CCNY: variants seen among roughly 807,000 people sequenced by gnomAD.
CCNY encodes cyclin-Y.
A neutral mutation model predicts 42.8 loss-of-function variants in CCNY; 19 were observed. The ratio of observed to expected loss-of-function variants is 0.44; its 90% CI spans 0.31 to 0.65. The LOEUF (loss-of-function observed/expected upper bound fraction) is 0.65, where lower values mean the gene tolerates loss of function less well. Among genes scored for constraint, CCNY ranks in the 30% least tolerant of loss-of-function variants. The pLI is 0.07. For synonymous variants in CCNY, 165 were observed against 162.7 expected (o/e 1.01, Z -0.11); for missense variants, 370 against 437.3 (o/e 0.85, Z 1.37).
intron 1 of CCNY, among the ~76,000 whole-genome samples, chr10:35,361,874 C>T (rs1003723366): frequency 6.6e-6 from 1 of 152,136 alleles, no homozygotes. Flanking sequence ...AAAATGTTTG[C>T]CCCCTCAACA....
chr10:35,317,526 G>C (rs959699859), intron 3 of CCNY, among the ~76,000 whole-genome samples: 10 of 152,204 alleles, frequency 6.6e-5, no homozygotes, highest in Non-Finnish European at 1.3e-4. Context: ...TGCCAGGTTT[G>C]AGTTAGGACC....
intron 1 of CCNY, among the ~76,000 whole-genome samples, chr10:35,465,919 G>GAT (rs1296424059): frequency 2.3e-5 from 3 of 132,520 alleles, no homozygotes; most frequent in African/African-American, 9.0e-5. Context: ...GAGAGAGAGA[G>GAT]AGAGAGAGAG....
intron 3 of CCNY, among the ~76,000 whole-genome samples, chr10:35,260,496 A>C (rs1007077376): frequency 1.3e-5 from 2 of 152,248 alleles, no homozygotes; most frequent in Non-Finnish European, 2.9e-5. Context: ...AAGTTGAGAA[A>C]GCATCCAGTT....
At chr10:35,431,445 TCTCTCTCTCTCTCA>T in intron 1 of CCNY, among the ~76,000 whole-genome samples, 1 of 113,866 alleles carries the variant, frequency 8.8e-6, no homozygotes, top group Non-Finnish European at 1.8e-5. Flanking sequence ...TCTCTCTCTC[TCTCTCTCTCTCTCA>T]CACTCACTCA....
chr10:35,343,382 CTTTTTTT>C (rs9299720), intron 1 of CCNY, among the ~76,000 whole-genome samples: 51 of 85,900 alleles, frequency 5.9e-4, no homozygotes, highest in Non-Finnish European at 4.4e-4. Flanking sequence ...AGCTGATGGT[CTTTTTTT>C]TTTTTTTTTT....
chr10:35,444,283 C>T (rs1454570312), intron 1 of CCNY, among the ~76,000 whole-genome samples: 3 of 147,260 alleles, frequency 2.0e-5, no homozygotes, highest in Non-Finnish European at 3.0e-5. Context: ...GAGTCTTGCT[C>T]TGCCATCCAG....
chr10:35,253,956 A>G (rs1272609530), intron 3 of CCNY, among the ~76,000 whole-genome samples: 6 of 148,242 alleles, frequency 4.0e-5, no homozygotes, highest in African/African-American at 1.5e-4. Flanking sequence ...GCTCACTGCA[A>G]CCTCTGCCTC....
chr10:35,562,414 C>G (rs1218355611), intron 8 of CCNY, among the ~76,000 whole-genome samples: 1 of 152,234 alleles, frequency 6.6e-6, no homozygotes, highest in Non-Finnish European at 1.5e-5. Flanking sequence ...CCATCCATCT[C>G]TAGAACCCTT....
chr10:35,558,946 T>C (rs1841412025), intron 8 of CCNY, among the ~76,000 whole-genome samples: 1 of 152,104 alleles, frequency 6.6e-6, no homozygotes, highest in African/African-American at 2.4e-5. Context: ...TACCTAAAAA[T>C]GTGGAAGTGG....
intron 3 of CCNY, among the ~76,000 whole-genome samples, chr10:35,507,985 G>T (rs1840249187): frequency 1.3e-5 from 2 of 152,080 alleles, no homozygotes; most frequent in South Asian, 4.1e-4. Flanking sequence ...GCAAGGTGCT[G>T]CCTGGATCCT....
chr10:35,534,086 A>G (rs574659914), intron 7 of CCNY, among the ~76,000 whole-genome samples: 2 of 151,854 alleles, frequency 1.3e-5, no homozygotes, highest in South Asian at 2.1e-4. Flanking sequence ...CAGTGGCACA[A>G]TCTCAGCTCA....
At chr10:35,406,527 A>G (rs1390200174) in intron 1 of CCNY, among the ~76,000 whole-genome samples, 1 of 152,146 alleles carries the variant, frequency 6.6e-6, no homozygotes, top group African/African-American at 2.4e-5. Context: ...CACATGTTTC[A>G]GAGAGCACAG....
intron 1 of CCNY, among the ~76,000 whole-genome samples, chr10:35,471,744 CTG>C (rs1456584356): frequency 6.6e-6 from 1 of 152,172 alleles, no homozygotes; most frequent in Non-Finnish European, 1.5e-5. Flanking sequence ...TTTAATTCAG[CTG>C]TGTGTCTTAA....
At chr10:35,291,998 G>A (rs1052384032) in intron 3 of CCNY, among the ~76,000 whole-genome samples, 13 of 152,180 alleles carry the variant, frequency 8.5e-5, no homozygotes, top group African/African-American at 2.9e-4. Flanking sequence ...CACCAGTAGC[G>A]TAGTGGGGTT....
At chr10:35,354,105 T>C (rs1036793497) in intron 1 of CCNY, among the ~76,000 whole-genome samples, 72 of 151,882 alleles carry the variant, frequency 4.7e-4, no homozygotes, top group African/African-American at 1.7e-3. Flanking sequence ...ATAGGGCAGC[T>C]GGCTTCCCCT....
Position 35,510,909 on chromosome 10 carries a change from G to A in CCNY, c.265-5614G>A, listed in dbSNP as rs150440602. On this transcript the variant is annotated intron_variant, in intron 3 of 9. Coordinates refer to ENST00000374704, the MANE Select transcript of CCNY (RefSeq NM_145012.6). ...TAACTTGCCCACATTTACACAACTC[G>A]TCAGTGGCAGAGCTGCAGCCAAGCA... Among the ~76,000 whole-genome samples the A allele has an allele frequency of 7.7e-3, 1,169 of 152,296 alleles. 12 individuals carry two copies. The highest frequency in any genetic ancestry group is 0.026 in the African/African-American group (1,064 of 41,566).
chr10:35,443,627 A>G (rs889583096), intron 1 of CCNY, among the ~76,000 whole-genome samples: 1 of 152,206 alleles, frequency 6.6e-6, no homozygotes, highest in Non-Finnish European at 1.5e-5. Flanking sequence ...CCTCTCTTAG[A>G]AGCAAAATTT....
chr10:35,565,867 A>T (rs1841559748), intron 8 of CCNY, among the ~76,000 whole-genome samples, 156 bp from the exon 9 acceptor site: 1 of 152,198 alleles, frequency 6.6e-6, no homozygotes, highest in Non-Finnish European at 1.5e-5. Flanking sequence ...TTGGCTTTTA[A>T]TCCCAATATG....
intron 1 of CCNY, among the ~76,000 whole-genome samples, chr10:35,481,101 A>G (rs1839658451): frequency 6.6e-6 from 1 of 152,244 alleles, no homozygotes; most frequent in Admixed American, 6.5e-5. Flanking sequence ...TTTTCCCCCA[A>G]AAGGGTATCA....
Sources: allele counts gnomAD v4.1 joint callset (sites outside exome capture counted in the v4.1 genomes callset), GRCh38; gene constraint gnomAD v4.1.1; transcripts MANE v1.5; gene names NCBI Gene and HGNC (gene_info 2026-07-23, HGNC 2026-07-21).